The following EYS variants were observed in gnomAD, a reference collection of about 807,000 sequenced individuals.
EYS encodes the protein EGF-like photoreceptor maintenance factor, also known as protein eyes shut homolog.
A neutral mutation model predicts 282.1 loss-of-function variants in EYS; 250 were observed. The ratio of observed to expected loss-of-function variants is 0.89; its 90% CI spans 0.80 to 0.98. EYS has a LOEUF of 0.98. EYS is among the 50% of genes least tolerant of loss of function. The pLI, the probability that EYS is intolerant of heterozygous loss-of-function variation, is 0.00. For missense variants in EYS, 4,016 were observed against 3,709.0 expected, an observed-to-expected ratio of 1.08 and a Z score of -2.15; for synonymous variants, 1,355 against 1,282.9, an observed-to-expected ratio of 1.06 and a Z score of -1.20.
chr6:64,323,576 G>A (rs1480722081), intron 29 of EYS, among the ~76,000 whole-genome samples: 1 of 151,946 alleles, frequency 6.6e-6, no homozygotes, highest in Admixed American at 6.6e-5. Flanking sequence ...GATATATTTG[G>A]GTTCATGTTT....
intron 14 of EYS, among the ~76,000 whole-genome samples, chr6:64,967,852 T>A (rs1428803214): frequency 6.6e-6 from 1 of 152,210 alleles, no homozygotes; most frequent in Non-Finnish European, 1.5e-5. Context: ...CAATTCAGTC[T>A]TATTTCTTGT....
chr6:65,518,779 C>T (rs902260504), intron 2 of EYS, among the ~76,000 whole-genome samples: 7 of 152,074 alleles, frequency 4.6e-5, no homozygotes, highest in Non-Finnish European at 1.0e-4. Context: ...GGAGGCCTCA[C>T]AATCATGGCA....
At chr6:63,929,569 A>C (rs553327950) in intron 35 of EYS, among the ~76,000 whole-genome samples, 1 of 152,310 alleles carries the variant, frequency 6.6e-6, no homozygotes, top group Non-Finnish European at 1.5e-5. Flanking sequence ...TGAAATCTTA[A>C]AACTACAGAC....
chr6:65,141,605 A>G (rs1764343565), intron 12 of EYS, among the ~76,000 whole-genome samples: 1 of 151,816 alleles, frequency 6.6e-6, no homozygotes, highest in African/African-American at 2.4e-5. Flanking sequence ...ACACACATCT[A>G]TTCAAACTGA....
chr6:64,181,681 G>A (rs1369952825), intron 31 of EYS, among the ~76,000 whole-genome samples: 2 of 152,004 alleles, frequency 1.3e-5, no homozygotes, highest in Non-Finnish European at 2.9e-5. Flanking sequence ...ATAAATGGTA[G>A]CATCCCAGTC....
At chr6:64,967,505 A>T (rs1387430942) in intron 14 of EYS, among the ~76,000 whole-genome samples, 1 of 152,108 alleles carries the variant, frequency 6.6e-6, no homozygotes, top group East Asian at 1.9e-4. Context: ...TTTAGTAGAG[A>T]TGGGGTTTCG....
intron 35 of EYS, among the ~76,000 whole-genome samples, chr6:63,878,357 C>T (rs574914723): frequency 3.3e-5 from 5 of 152,238 alleles, no homozygotes; most frequent in Admixed American, 2.6e-4. Context: ...CAGAGGGGCA[C>T]CTGGCTGTAT....
chr6:64,244,090 G>A (rs1485709283), intron 30 of EYS, among the ~76,000 whole-genome samples: 5 of 152,108 alleles, frequency 3.3e-5, no homozygotes, highest in African/African-American at 9.6e-5. Context: ...TTTGAGTACT[G>A]ATTTCCCCAA....
chr6:65,146,792 ATACT>A (rs1764489554), intron 12 of EYS, among the ~76,000 whole-genome samples: 2 of 152,034 alleles, frequency 1.3e-5, no homozygotes, highest in African/African-American at 4.8e-5. Flanking sequence ...GGTTCTGAAA[ATACT>A]TATTCTTTTT....
At chr6:64,794,902 C>A (rs1267039440) in intron 22 of EYS, among the ~76,000 whole-genome samples, 7 of 152,070 alleles carry the variant, frequency 4.6e-5, no homozygotes, top group African/African-American at 7.2e-5. Flanking sequence ...AGCATTTATT[C>A]TTTTCTGTAT....
At chr6:64,395,300 C>A (rs868510514) in intron 28 of EYS, among the ~76,000 whole-genome samples, 2,005 of 152,116 alleles carry the variant, frequency 0.013, 43 homozygotes, top group African/African-American at 0.045. Context: ...CCAAAGGACT[C>A]TAAATCATGC....
chr6:63,871,617 A>G (rs1772807342), intron 35 of EYS, among the ~76,000 whole-genome samples: 1 of 152,140 alleles, frequency 6.6e-6, no homozygotes, highest in African/African-American at 2.4e-5. Context: ...AGCCGAGATC[A>G]TGCCACTGCA....
chr6:63,788,295 A>G (rs780040684), intron 38 of EYS, 46 bp from the exon 39 acceptor site: 15 of 1,410,232 alleles, frequency 1.1e-5, no homozygotes, highest in Non-Finnish European at 1.3e-5. Flanking sequence ...TTAATTCCCC[A>G]GGGTGAAATG....
intron 35 of EYS, among the ~76,000 whole-genome samples, chr6:63,941,111 C>G (rs1048452426): frequency 1.3e-5 from 2 of 152,106 alleles, no homozygotes; most frequent in African/African-American, 4.8e-5. Flanking sequence ...GGTTCCAAGT[C>G]TTTGCTATTG....
intron 31 of EYS, among the ~76,000 whole-genome samples, chr6:64,092,977 G>C (rs1562196582): frequency 2.0e-5 from 3 of 151,360 alleles, no homozygotes; most frequent in Admixed American, 2.0e-4. Context: ...CATATGGCTA[G>C]CCAGTTTTCC....
At chr6:64,469,157 T>G (rs1384786227) in intron 26 of EYS, among the ~76,000 whole-genome samples, 2 of 152,178 alleles carry the variant, frequency 1.3e-5, no homozygotes, top group African/African-American at 4.8e-5. Context: ...CGCGAGCATC[T>G]GTTATTTTTT....
At chr6:64,344,368 T>A (rs9444750) in intron 29 of EYS, among the ~76,000 whole-genome samples, 2 of 151,360 alleles carry the variant, frequency 1.3e-5, no homozygotes, top group East Asian at 2.0e-4. Context: ...CATGATCAAG[T>A]GGGCTTCATC....
At chr6:64,605,364 G>A (rs1766894954) in intron 24 of EYS, among the ~76,000 whole-genome samples, 1 of 151,732 alleles carries the variant, frequency 6.6e-6, no homozygotes, top group Non-Finnish European at 1.5e-5. Flanking sequence ...AGTTCATATT[G>A]GAAATACCAT....
chr6:63,937,340 CTTTTCTTTTTTTTTTTTTTTTTTTTTT>C lies in EYS; in HGVS notation c.7055+47016_7055+47042del, dbSNP rs1765090781. On this transcript the variant is annotated intron_variant, in intron 35 of 42. Coordinates refer to ENST00000503581, the MANE Select transcript of EYS (RefSeq NM_001142800.2). ...AGATCCAAATTTTCTAGGCTTCTCTCTTTTCTTTTTTTTTTTTTTTTTTTTTTTTTTTTTTTTTTTTTTTTTTTTTTT... is the reference window on the plus strand; with the variant it reads ...AGATCCAAATTTTCTAGGCTTCTCTCTTTTTTTTTTTTTTTTTTTTTTTTT... Among the ~76,000 whole-genome samples, 122 of 46,084 alleles carry C rather than the reference CTTTTCTTTTTTTTTTTTTTTTTTTTTT, an allele frequency of 2.6e-3. 2 individuals are homozygous for C. The highest frequency in any genetic ancestry group is 0.017 in the Middle Eastern group (1 of 60). 30.2% of individuals were successfully genotyped at this position (46,084 alleles called of 152,430 possible). A position where few individuals can be genotyped will look rare whatever the true frequency, so the allele number is the denominator to read the frequency against.
Sources: allele counts gnomAD v4.1 joint callset (sites outside exome capture counted in the v4.1 genomes callset), GRCh38; gene constraint gnomAD v4.1.1; transcripts MANE v1.5; gene names NCBI Gene and HGNC (gene_info 2026-07-23, HGNC 2026-07-21).